MKI67: variants seen among roughly 807,000 people sequenced by gnomAD.
The protein encoded by MKI67 is proliferation marker protein Ki-67.
A neutral mutation model predicts 233.5 loss-of-function variants in MKI67; 152 were observed. The ratio of observed to expected loss-of-function variants is 0.65; its 90% CI spans 0.57 to 0.74. The LOEUF (loss-of-function observed/expected upper bound fraction) is 0.74. Ranked by LOEUF, MKI67 falls within the 30% of genes least tolerant of loss-of-function variation. The probability of loss-of-function intolerance (pLI) is 0.00; values close to 1 mark genes in which losing one functional copy is unlikely to be tolerated. For synonymous variants in MKI67, 1,465 were observed against 1,418.5 expected (o/e 1.03, Z -0.74); for missense variants, 3,940 against 3,885.2 (o/e 1.01, Z -0.37).
At position 128,103,532 on chromosome 10, in the gene MKI67, CA is replaced by C; in HGVS notation, c.8307del (p.Ala2770GlnfsTer11). On this transcript the variant is annotated frameshift_variant, in exon 13 of 15. Coordinates refer to ENST00000368654, the MANE Select transcript of MKI67 (RefSeq NM_002417.5). LOFTEE classifies it high-confidence loss of function. ...EDKGIKALKE[S>X]AKQTPAPAAS... ...GCTGCTGGAGCCGGTGTCTGTTTTG[CA>C]GATTCCTTCAATGCTTTGATGCCTT... is the stretch of plus-strand genomic sequence containing the variant. 1 of 1,613,556 alleles carries C rather than the reference CA, an allele frequency of 6.2e-7. No homozygotes were observed. Among genetic ancestry groups the C allele is most frequent in the South Asian group, 1.1e-5 (1 of 91,044 alleles).
At chr10:128,101,220 CTG>C in intron 14 of MKI67, 36 bp downstream of exon 14, 4 of 1,582,046 alleles carry the variant, frequency 2.5e-6, no homozygotes, top group Non-Finnish European at 2.6e-6. Context: ...TCAAAACATT[CTG>C]TGTCTTTTAA....
rs534492745 is a variant in MKI67, at chr10:128,121,008, G to A, written c.288-1689C>T. Among the ~76,000 whole-genome samples, 5 of 152,020 alleles carry A rather than the reference G, an allele frequency of 3.3e-5. No individual in the cohort carries two copies. The East Asian group carries it at 9.7e-4, about 29-fold the overall frequency. ...TATGAAAAGTTAAAATTAAGGGGGT[G>A]GAAAAGTTATACTACACAAGCACTC... On this transcript the variant is annotated intron_variant, in intron 4 of 14. Transcript: ENST00000368654.
intron 7 of MKI67, 40 bp downstream of exon 7, chr10:128,114,888 C>A: frequency 6.7e-7 from 1 of 1,498,938 alleles, no homozygotes; most frequent in South Asian, 1.4e-5. Context: ...AGAAGGTGTT[C>A]ATCTTTTAGA....
Position 128,103,408 on chromosome 10 carries a change from G to T in MKI67, c.8432C>A (p.Thr2811Asn). ...AGFKDPAAGH[T>N]EESMTDDKTT... ...TTTGTCATCAGTCATTGATTCTTCA[G>T]TGTGACCTGCTGCTGGGTCTTTGAA... The change falls in exon 13 of 15, where the codon ACT becomes AAT. Residue 2811 changes from threonine to asparagine, a missense_variant. Coordinates refer to ENST00000368654, the MANE Select transcript of MKI67 (RefSeq NM_002417.5). The T allele has an allele frequency of 6.2e-7, 1 of 1,613,802 alleles. No homozygotes were observed. The highest frequency in any genetic ancestry group is 1.3e-5 in the African/African-American group (1 of 74,880).
At chr10:128,121,616 CAT>C (rs1438948237) in intron 4 of MKI67, among the ~76,000 whole-genome samples, 12 of 142,042 alleles carry the variant, frequency 8.4e-5, no homozygotes, top group South Asian at 4.3e-4. Flanking sequence ...TTATATATTA[CAT>C]ATATATGAGA....
At position 128,125,628 on chromosome 10, in the gene MKI67, C is replaced by CT; in HGVS notation, c.39_40insA (p.Gly14ArgfsTer21). ...AGGGGAAAGTGGGGACCGTCGACCC[C>CT]GCTCCTTTTGATAGTAACCAGGCGT... On this transcript the variant is annotated frameshift_variant, in exon 2 of 15. Coordinates refer to ENST00000368654, the MANE Select transcript of MKI67 (RefSeq NM_002417.5). LOFTEE classifies it high-confidence loss of function. This position sits in a 1 kb window ranked among gnomAD's most constrained non-coding sequence, Gnocchi z 5.3. 6.2e-7 allele frequency: 1 copy of CT among 1,613,630 alleles called. No homozygotes were observed. Among genetic ancestry groups the CT allele is most frequent in the South Asian group, 1.1e-5 (1 of 91,050 alleles).
In MKI67 at chr10:128,097,227, G is replaced by A. The variant is rs1313712522; in HGVS notation, c.*1963C>T. 1 of 152,166 alleles carries A rather than the reference G, an allele frequency of 6.6e-6. No homozygotes were observed. The highest frequency in any genetic ancestry group is 2.4e-5 in the African/African-American group (1 of 41,438). 9.4% of individuals were successfully genotyped at this position (152,166 alleles called of 1,614,324 possible). On this transcript the variant is annotated 3_prime_UTR_variant, in exon 15 of 15. Transcript: ENST00000368654. Reference sequence around the variant, plus strand: ...CCATGGTGGAAATGGGTGGGTATTTGTTCTCAAATCCAGTCAGCCTAGGGG... The same window carrying A: ...CCATGGTGGAAATGGGTGGGTATTTATTCTCAAATCCAGTCAGCCTAGGGG...
In MKI67 at chr10:128,125,946, G is replaced by A. The variant is rs1335828278; in HGVS notation, c.-90+153C>T. Among the ~76,000 whole-genome samples, 1 of 147,290 alleles carries A rather than the reference G, an allele frequency of 6.8e-6. No homozygotes were observed. Among genetic ancestry groups the A allele is most frequent in the Non-Finnish European group, 1.5e-5 (1 of 66,316 alleles). The stretch of plus-strand genomic sequence containing the variant: ...GTTGTCGCCAGCGCCTGCGCCTCCT[G>A]GGAGCTTCCACCGAGACGCCCTCGC... On this transcript the variant is annotated intron_variant, in intron 1 of 14. Transcript: ENST00000368654. The surrounding 1 kb of genome is among the most constrained non-coding windows in gnomAD (Gnocchi z 5.3).
intron 5 of MKI67, among the ~76,000 whole-genome samples, chr10:128,117,059 A>G (rs1194913714): frequency 6.6e-6 from 1 of 152,258 alleles, no homozygotes; most frequent in Non-Finnish European, 1.5e-5. Context: ...AAAAATAGTG[A>G]GTGATTAATA....
chr10:128,105,662 C>T lies in MKI67; in HGVS notation c.6178G>A (p.Glu2060Lys). The change falls in exon 13 of 15, where the codon GAG becomes AAG. Residue 2060 changes from glutamate to lysine, a missense_variant. Transcript: ENST00000368654. ...TCCTTAGGTGTTCTTGGCCACCTCT[C>T]CATCCCAGTTCCATAGTTTGCTGGG... ...LDPANYGTGM[E>K]RWPRTPKEEA... 6.2e-7 allele frequency: 1 copy of T among 1,613,382 alleles called. No individual in the cohort carries two copies. The highest frequency in any genetic ancestry group is 8.5e-7 in the Non-Finnish European group (1 of 1,179,872).
Position 128,101,588 on chromosome 10 carries a change from C to A in MKI67, c.9375G>T (p.Met3125Ile), listed in dbSNP as rs1564997436. 1.2e-6 allele frequency: 2 copies of A among 1,614,206 alleles called. No homozygotes were observed. The highest frequency in any genetic ancestry group is 2.2e-5 in the South Asian group (2 of 91,082). The change falls in exon 14 of 15, where the codon ATG (methionine) becomes ATT (isoleucine). Residue 3125 changes from methionine to isoleucine, a missense_variant. Coordinates refer to ENST00000368654, the MANE Select transcript of MKI67 (RefSeq NM_002417.5). ...IEINRNEKKPMKTSPEMDIQN... is the reference protein window; with the variant it reads ...IEINRNEKKPIKTSPEMDIQN... ...GAATGTCCATCTCTGGGGAGGTCTT[C>A]ATGGGCTTCTTTTCATTTCTGTTTA...
rs1439108576 is a variant in MKI67, at chr10:128,115,421, GGGAGTC to G, written c.981_986del (p.Gln327_Pro329delinsHis). 6.2e-6 allele frequency: 10 copies of G among 1,613,928 alleles called. No homozygotes were observed. The Admixed American group carries it at 8.3e-5, about 13-fold the overall frequency. On this transcript the variant is annotated inframe_deletion, in exon 7 of 15. Coordinates refer to ENST00000368654, the MANE Select transcript of MKI67 (RefSeq NM_002417.5). ...GAAAGCTGGCGCCCACAGCCTTGCT[GGGAGTC>G]TGAACAGACTCCACGTCTCTTCCCT...
chr10:128,118,259 G>T (rs951495213), intron 5 of MKI67, among the ~76,000 whole-genome samples: 2 of 152,078 alleles, frequency 1.3e-5, no homozygotes, highest in Non-Finnish European at 2.9e-5. Context: ...AGCCAGGCAT[G>T]GTGGTGTGCA....
At chr10:128,100,478 G>A (rs1470398392) in intron 14 of MKI67, among the ~76,000 whole-genome samples, 1 of 152,212 alleles carries the variant, frequency 6.6e-6, no homozygotes, top group Non-Finnish European at 1.5e-5. Flanking sequence ...AGTTTCGTTT[G>A]CTGAACTCAG....
At chr10:128,099,357 A>C in intron 14 of MKI67, 102 bp from the exon 15 acceptor site, 2 of 686,492 alleles carry the variant, frequency 2.9e-6, no homozygotes, top group South Asian at 2.5e-5. Context: ...GGTATTATGC[A>C]GGTCCTTAGT....
intron 13 of MKI67, 141 bp from the exon 14 acceptor site, chr10:128,101,842 G>T: frequency 2.9e-6 from 2 of 689,732 alleles, no homozygotes; most frequent in Non-Finnish European, 2.4e-6. Flanking sequence ...TAAGAGACTT[G>T]TCATCTAGGA....
Position 128,125,427 on chromosome 10 carries a change from A to G in MKI67, c.92+149T>C. 1 of 700,346 alleles carries G rather than the reference A, an allele frequency of 1.4e-6. No individual in the cohort carries two copies. The highest frequency in any genetic ancestry group is 2.5e-5 in the East Asian group (1 of 39,390). The allele number at this position is 700,346 out of a possible 1,614,324, so 43.4% of individuals were successfully genotyped here. A position where few individuals can be genotyped will look rare whatever the true frequency, so the allele number is the denominator to read the frequency against. On this transcript the variant is annotated intron_variant, in intron 2 of 14. Coordinates refer to ENST00000368654, the MANE Select transcript of MKI67 (RefSeq NM_002417.5). This position sits in a 1 kb window ranked among gnomAD's most constrained non-coding sequence, Gnocchi z 5.3. ...TATACTTACAAAACAAAAAAACACA[A>G]CTATGTCAACTTAGTAACGAATGGG...
In MKI67 at chr10:128,116,527, G is replaced by A. The variant is rs371831409; in HGVS notation, c.364C>T (p.Arg122Cys). 76 of 1,613,990 alleles carry A rather than the reference G, an allele frequency of 4.7e-5. No individual in the cohort carries two copies. The highest frequency in any genetic ancestry group is 1.6e-4 in the Middle Eastern group (1 of 6,062). The change falls in exon 6 of 15, where the codon CGT becomes TGT. Residue 122 changes from arginine (R) to cysteine (C), a missense_variant. Transcript: ENST00000368654. ...PRKIREQEPARRVSRSSFSSD... is the reference protein window; with the variant it reads ...PRKIREQEPACRVSRSSFSSD... ...GAGAAGCTAGATCTTGAGACACGACGTGCTGGCTCCTGTAAGTTGGGAAAA... is the reference window on the plus strand; with the variant it reads ...GAGAAGCTAGATCTTGAGACACGACATGCTGGCTCCTGTAAGTTGGGAAAA...
Position 128,103,604 on chromosome 10 carries a change from A to T in MKI67, c.8236T>A (p.Ser2746Thr), listed in dbSNP as rs779940409. 2 of 1,613,868 alleles carry T rather than the reference A, an allele frequency of 1.2e-6. No individual in the cohort carries two copies. Among genetic ancestry groups the T allele is most frequent in the Non-Finnish European group, 1.7e-6 (2 of 1,180,002 alleles). ...EPSAVKFTQT[S>T]GETTDADKEP... ...TTGTCTGCATCCGTGGTTTCCCCTGATGTTTGTGTGAACTTGACTGCTGAA... is the reference window on the plus strand; with the variant it reads ...TTGTCTGCATCCGTGGTTTCCCCTGTTGTTTGTGTGAACTTGACTGCTGAA... The change falls in exon 13 of 15, where the codon TCA becomes ACA. Residue 2746 changes from serine (S) to threonine (T), a missense_variant. Transcript: ENST00000368654.
Sources: allele counts gnomAD v4.1 joint callset (sites outside exome capture counted in the v4.1 genomes callset), GRCh38; gene constraint gnomAD v4.1.1; non-coding constraint Gnocchi (gnomAD v3.1); transcripts MANE v1.5; gene names NCBI Gene and HGNC (gene_info 2026-07-23, HGNC 2026-07-21).